SLF2: variants seen among roughly 807,000 people sequenced by gnomAD.
SLF2 encodes the protein SMC5-SMC6 complex localization factor protein 2.
A neutral mutation model predicts 124.3 loss-of-function variants in SLF2; 68 were observed. The ratio of observed to expected loss-of-function variants is 0.55; its 90% CI spans 0.45 to 0.67. The LOEUF (loss-of-function observed/expected upper bound fraction) is 0.67, where lower values mean the gene tolerates loss of function less well. Among genes scored for constraint, SLF2 ranks in the 30% least tolerant of loss-of-function variants. The pLI is 0.00. For missense variants in SLF2, 1,246 were observed against 1,373.7 expected (o/e 0.91, Z 1.47); for synonymous variants, 480 against 478.8 (o/e 1.00, Z -0.03).
Position 100,920,743 on chromosome 10 carries a change from A to G in SLF2, c.973+2302A>G, listed in dbSNP as rs141066558. On this transcript the variant is annotated intron_variant, in intron 4 of 19. Coordinates refer to ENST00000238961, the MANE Select transcript of SLF2 (RefSeq NM_018121.4). ...GGCAGATGGATCACCTGAGGTCAGG[A>G]GTTCGAGACCAGCCTGGCCAACATG... is the stretch of plus-strand genomic sequence containing the variant. 5.6e-3 allele frequency among the ~76,000 whole-genome samples: 859 copies of G among 152,302 alleles called. 7 individuals carry two copies. Among genetic ancestry groups the G allele is most frequent in the Admixed American group, 0.02 (307 of 15,302 alleles).
At chr10:100,935,859 CTT>C (rs556164456) in intron 9 of SLF2, among the ~76,000 whole-genome samples, 3,824 of 99,182 alleles carry the variant, frequency 0.039, 30 homozygotes, top group Non-Finnish European at 0.056. Context: ...TTTTTTTTTT[CTT>C]TTTTTTTTTT....
chr10:100,946,029 T>C (rs1174854706), intron 13 of SLF2, among the ~76,000 whole-genome samples: 1 of 152,186 alleles, frequency 6.6e-6, no homozygotes, highest in Non-Finnish European at 1.5e-5. Context: ...CAACCAGAAT[T>C]TGAGTTGAAC....
chr10:100,950,060 C>T lies in SLF2; in HGVS notation c.3121-16C>T. 6.5e-7 allele frequency: 1 copy of T among 1,548,778 alleles called. No homozygotes were observed. The highest frequency in any genetic ancestry group is 8.7e-7 in the Non-Finnish European group (1 of 1,144,984). On this transcript the variant is annotated splice_polypyrimidine_tract_variant and intron_variant, in intron 15 of 19. Transcript: ENST00000238961. Reference sequence around the variant, plus strand: ...ATTATTTAGCTTTGTTCAATGTCTCCTCTTTCTTTTGATAGGTATCAGTCC... The same window carrying T: ...ATTATTTAGCTTTGTTCAATGTCTCTTCTTTCTTTTGATAGGTATCAGTCC...
intron 5 of SLF2, 88 bp downstream of exon 5, chr10:100,925,060 A>T: frequency 3.8e-6 from 5 of 1,319,010 alleles, no homozygotes; most frequent in Non-Finnish European, 5.2e-6. Flanking sequence ...CTTACTTTAA[A>T]ATTTAGTATT....
At chr10:100,926,285 G>C (rs533632775) in intron 6 of SLF2, 2 of 1,477,796 alleles carry the variant, frequency 1.4e-6, no homozygotes, top group East Asian at 5.0e-5. Context: ...CTGCAGCCTG[G>C]GTGGCAGAGT....
In SLF2 at chr10:100,962,928, C is replaced by G. The variant is rs1850451079; in HGVS notation, c.*1016C>G. 6.6e-6 allele frequency: 1 copy of G among 152,538 alleles called. No individual in the cohort carries two copies. The highest frequency in any genetic ancestry group is 2.1e-4 in the South Asian group (1 of 4,828). 9.4% of individuals were successfully genotyped at this position (152,538 alleles called of 1,614,324 possible). A position where few individuals can be genotyped will look rare whatever the true frequency, so the allele number is the denominator to read the frequency against. On this transcript the variant is annotated 3_prime_UTR_variant, in exon 20 of 20. Transcript: ENST00000238961. The stretch of plus-strand genomic sequence containing the variant: ...CACAGCTGCTGTAAATTCTTAAACA[C>G]TGGAGAGCCATCCTTTGGTTTAAAT...
intron 17 of SLF2, among the ~76,000 whole-genome samples, chr10:100,954,551 G>T (rs1049544547): frequency 3.3e-5 from 5 of 152,172 alleles, no homozygotes; most frequent in Non-Finnish European, 7.3e-5. Flanking sequence ...ATATGTGAGA[G>T]AACTGCTTAG....
At chr10:100,960,307 C>T (rs969848829) in intron 19 of SLF2, among the ~76,000 whole-genome samples, 1 of 152,184 alleles carries the variant, frequency 6.6e-6, no homozygotes, top group Non-Finnish European at 1.5e-5. Context: ...ATTGCTGGGC[C>T]ATATGGTAAT....
chr10:100,919,001 CTTTTTTTTTTTT>C (rs528512219), intron 4 of SLF2, among the ~76,000 whole-genome samples: 4 of 105,708 alleles, frequency 3.8e-5, no homozygotes, highest in African/African-American at 1.7e-4. Context: ...GAAACATAAT[CTTTTTTTTTTTT>C]TTTTTTTTTT....
intron 12 of SLF2, among the ~76,000 whole-genome samples, chr10:100,945,035 AAAG>A (rs1850076502): frequency 6.6e-6 from 1 of 152,190 alleles, no homozygotes; most frequent in African/African-American, 2.4e-5. Context: ...GTCTCAAAAA[AAAG>A]AAGATAAAAA....
At chr10:100,948,740 C>T (rs1850155566) in intron 15 of SLF2, among the ~76,000 whole-genome samples, 1 of 152,048 alleles carries the variant, frequency 6.6e-6, no homozygotes, top group Non-Finnish European at 1.5e-5. Flanking sequence ...AAAAAAATTA[C>T]CCGGGCATGG....
chr10:100,916,174 A>C, intron 2 of SLF2, 132 bp downstream of exon 2: 1 of 645,670 alleles, frequency 1.5e-6, no homozygotes, highest in Non-Finnish European at 2.6e-6. Context: ...ATGAAGATGC[A>C]GTATTTTGTT....
At position 100,917,102 on chromosome 10, in the gene SLF2, A is replaced by C. The variant is rs775505573; in HGVS notation, c.717A>C (p.Ser239=). The C allele has an allele frequency of 1.7e-5, 28 of 1,614,088 alleles. 1 individual carries two copies. The African/African-American group carries it at 3.5e-4, about 20-fold the overall frequency. Residue 239 remains serine (S), a synonymous_variant, in exon 3 of 20, where the codon TCA becomes TCC. Transcript: ENST00000238961. ...CACTGGGAGCTAAATTCCAGTTGTC[A>C]CTAGCTTCTTACTGCAGAGAACGAG... ...ESPLGAKFQL[S]LASYCREREL...
intron 19 of SLF2, 122 bp from the exon 20 acceptor site, chr10:100,961,755 A>G (rs1272911470): frequency 8.0e-6 from 6 of 749,776 alleles, no homozygotes; most frequent in Non-Finnish European, 8.3e-6. Flanking sequence ...AGAAGTCAAT[A>G]TAAAGATTTT....
chr10:100,941,426 T>C (rs1042998631), intron 11 of SLF2, among the ~76,000 whole-genome samples: 20 of 152,152 alleles, frequency 1.3e-4, no homozygotes, highest in African/African-American at 4.8e-4. Flanking sequence ...ATCCCTATGT[T>C]CCTTTTCCTC....
chr10:100,917,010 T>G lies in SLF2; in HGVS notation c.625T>G (p.Phe209Val), dbSNP rs1422699319. 6.2e-7 allele frequency: 1 copy of G among 1,614,066 alleles called. No individual in the cohort carries two copies. The highest frequency in any genetic ancestry group is 1.3e-5 in the African/African-American group (1 of 74,930). ...GACCACAGTGGCAGAAGCTGACATC[T>G]TCAATAACAGCTCCAGAAGCCTTAG... is the stretch of plus-strand genomic sequence containing the variant. ...KQTTVAEADIFNNSSRSLSSR... is the reference protein window; with the variant it reads ...KQTTVAEADIVNNSSRSLSSR... Residue 209 changes from phenylalanine (F) to valine (V), a missense_variant, in exon 3 of 20, where the codon TTC becomes GTC. Transcript: ENST00000238961.
intron 6 of SLF2, chr10:100,926,615 A>G (rs1380968776): frequency 6.1e-6 from 1 of 164,676 alleles, no homozygotes; most frequent in African/African-American, 2.4e-5. Flanking sequence ...CAAAAAAAAA[A>G]AAAGTGGGGG....
Position 100,950,684 on chromosome 10 carries a change from C to T in SLF2, c.3261C>T (p.Tyr1087=), listed in dbSNP as rs772574665. 6.0e-5 allele frequency: 96 copies of T among 1,613,178 alleles called. No homozygotes were observed. Among genetic ancestry groups the T allele is most frequent in the Non-Finnish European group, 8.1e-5 (95 of 1,179,288 alleles). ...ATTCATTTCTCTAACAGGCATATTA[C>T]CTGACCTACATTCTTCTTCATTTAG... is the stretch of plus-strand genomic sequence containing the variant. ...LHLELEKQAY[Y]LTYILLHLVG... Residue 1087 remains tyrosine (Y), a synonymous_variant, in exon 17 of 20, where the codon TAC becomes TAT. Transcript: ENST00000238961.
chr10:100,915,528 C>T (rs2133746622), intron 1 of SLF2, among the ~76,000 whole-genome samples: 1 of 152,258 alleles, frequency 6.6e-6, no homozygotes, highest in East Asian at 1.9e-4. Context: ...CCCCATTATT[C>T]ATTTGGCATA....
Sources: allele counts gnomAD v4.1 joint callset (sites outside exome capture counted in the v4.1 genomes callset), GRCh38; gene constraint gnomAD v4.1.1; transcripts MANE v1.5; gene names NCBI Gene and HGNC (gene_info 2026-07-23, HGNC 2026-07-21).